Variants in PPP6R3 observed in about 807,000 individuals in gnomAD.
The protein encoded by PPP6R3 is protein phosphatase 6 regulatory subunit 3, also known as serine/threonine-protein phosphatase 6 regulatory subunit 3.
Under a neutral mutation model 110.7 loss-of-function variants are expected in PPP6R3, and 38 were observed. The ratio of observed to expected loss-of-function variants is 0.34; its 90% CI spans 0.26 to 0.45. The LOEUF (loss-of-function observed/expected upper bound fraction) is 0.45, where lower values mean the gene tolerates loss of function less well. PPP6R3 is among the 20% of genes least tolerant of loss of function. The probability of loss-of-function intolerance (pLI) is 1.00; values close to 1 mark genes in which losing one functional copy is unlikely to be tolerated. For synonymous variants in PPP6R3, 369 were observed against 373.5 expected, an observed-to-expected ratio of 0.99 and a Z score of 0.14; for missense variants, 870 against 1,062.4, an observed-to-expected ratio of 0.82 and a Z score of 2.52.
intron 9 of PPP6R3, among the ~76,000 whole-genome samples, chr11:68,566,257 C>CTGCTGCTGCTGCTGT (rs1250878019): frequency 2.6e-5 from 4 of 151,818 alleles, no homozygotes; most frequent in Admixed American, 6.6e-5. Context: ...GCTGCTGCTG[C>CTGCTGCTGCTGCTGT]TGCTGTTGCT....
intron 15 of PPP6R3, among the ~76,000 whole-genome samples, chr11:68,585,910 G>A (rs562117912): frequency 1.5e-4 from 23 of 152,102 alleles, no homozygotes; most frequent in Admixed American, 1.3e-3. Flanking sequence ...ACAACATTTT[G>A]GGGAATATTT....
chr11:68,482,222 C>CAAAAAAAAA (rs35130397), intron 1 of PPP6R3, among the ~76,000 whole-genome samples: 1 of 87,042 alleles, frequency 1.1e-5, no homozygotes, highest in Non-Finnish European at 2.4e-5. Flanking sequence ...CCCATCTCTC[C>CAAAAAAAAA]AAAAAAAAAA....
chr11:68,489,918 C>T (rs7126451), intron 1 of PPP6R3, among the ~76,000 whole-genome samples: 56,973 of 151,906 alleles, frequency 0.38, 11,743 homozygotes, highest in African/African-American at 0.54. Flanking sequence ...CTCATTGTTG[C>T]CATTCATTTT....
chr11:68,485,234 A>T (rs1270119778), intron 1 of PPP6R3, among the ~76,000 whole-genome samples: 2 of 145,986 alleles, frequency 1.4e-5, no homozygotes, highest in Non-Finnish European at 3.0e-5. Flanking sequence ...TTAACCTTGT[A>T]GCCTGTAACC....
rs769296530 is a variant in PPP6R3 at position 68,478,647 on chromosome 11, GTTT to G, written c.-158+17843_-158+17845del. On this transcript the variant is annotated intron_variant, in intron 1 of 23. Coordinates refer to ENST00000393800, the MANE Select transcript of PPP6R3 (RefSeq NM_001164161.2). ...ACTGATGAGTTAGTGCACTTGGTAAGTTTTTTTTTTTTTTTTTTTTTTTTTGAG... is the reference window on the plus strand; with the variant it reads ...ACTGATGAGTTAGTGCACTTGGTAAGTTTTTTTTTTTTTTTTTTTTTTGAG... Among the ~76,000 whole-genome samples, 113 of 50,502 alleles carry G rather than the reference GTTT, an allele frequency of 2.2e-3. 4 individuals are homozygous for G. The East Asian group carries it at 0.029, about 13-fold the overall frequency. The allele number at this position is 50,502 out of a possible 152,430, so 33.1% of individuals were successfully genotyped here.
intron 19 of PPP6R3, among the ~76,000 whole-genome samples, chr11:68,600,070 G>C (rs549637393): frequency 8.5e-5 from 13 of 152,066 alleles, no homozygotes; most frequent in Admixed American, 5.2e-4. Context: ...TGCAGTGAGC[G>C]GAGATCGTGC....
At chr11:68,471,813 TG>T (rs899961243) in intron 1 of PPP6R3, among the ~76,000 whole-genome samples, 1 of 151,926 alleles carries the variant, frequency 6.6e-6, no homozygotes, top group Non-Finnish European at 1.5e-5. Flanking sequence ...AGGAAGTGGG[TG>T]GGTGCCCATG....
At chr11:68,504,676 A>G (rs538327214) in intron 1 of PPP6R3, among the ~76,000 whole-genome samples, 18 of 152,298 alleles carry the variant, frequency 1.2e-4, no homozygotes, top group South Asian at 6.2e-4. Flanking sequence ...GAAAGCAGCA[A>G]TGGGGATTCT....
chr11:68,567,212 T>G, intron 10 of PPP6R3, 46 bp downstream of exon 10: 1 of 1,487,170 alleles, frequency 6.7e-7, no homozygotes, highest in Non-Finnish European at 9.0e-7. Flanking sequence ...CCATTGATAT[T>G]TCATGGATAT....
chr11:68,594,285 A>AGAGAG (rs1555194740), intron 18 of PPP6R3, among the ~76,000 whole-genome samples: 6 of 146,498 alleles, frequency 4.1e-5, no homozygotes, highest in African/African-American at 1.0e-4. Flanking sequence ...AGAGAGAGAG[A>AGAGAG]GAGAGAGGAG....
chr11:68,491,754 C>G (rs2098985758), intron 1 of PPP6R3, among the ~76,000 whole-genome samples: 1 of 152,130 alleles, frequency 6.6e-6, no homozygotes, highest in Non-Finnish European at 1.5e-5. Context: ...TTCATCTTCC[C>G]ATACTGAAAC....
At chr11:68,505,375 C>A (rs2099070361) in intron 1 of PPP6R3, 1 of 152,288 alleles carries the variant, frequency 6.6e-6, no homozygotes, top group African/African-American at 2.4e-5. Context: ...TGAACTCTTA[C>A]ATTTTTTGGT....
rs780662632 is a variant in PPP6R3, at chr11:68,574,202, A to C, written c.1437A>C (p.Ala479=). 1 of 1,613,570 alleles carries C rather than the reference A, an allele frequency of 6.2e-7. No homozygotes were observed. The highest frequency in any genetic ancestry group is 1.3e-5 in the African/African-American group (1 of 74,924). Residue 479 remains alanine (A), a synonymous_variant, in exon 13 of 24, where the codon GCA becomes GCC. Coordinates refer to ENST00000393800, the MANE Select transcript of PPP6R3 (RefSeq NM_001164161.2). ...VHSTDKGPNS[A]LVQQLIKDLP... is the part of the protein sequence containing the mutation. ...GCACTGACAAGGGCCCCAACAGTGC[A>C]TTAGTGCAGCAGCTTATCAAAGGTA...
intron 9 of PPP6R3, among the ~76,000 whole-genome samples, chr11:68,566,301 CTTCCTCCTCCTCCTTCCTCCTTCTCT>C (rs1375884257): frequency 2.0e-5 from 3 of 151,856 alleles, no homozygotes; most frequent in African/African-American, 4.8e-5. Context: ...TTTATTCTTC[CTTCCTCCTCCTCCTTCCTCCTTCTCT>C]TTCCTCCTCC....
At chr11:68,528,670 A>G (rs569663744) in intron 2 of PPP6R3, among the ~76,000 whole-genome samples, 7 of 152,280 alleles carry the variant, frequency 4.6e-5, no homozygotes, top group African/African-American at 1.7e-4. Flanking sequence ...TTACAACACT[A>G]AGAGATAACT....
chr11:68,563,920 G>A (rs2099442135), intron 8 of PPP6R3, among the ~76,000 whole-genome samples: 1 of 152,182 alleles, frequency 6.6e-6, no homozygotes, highest in South Asian at 2.1e-4. Context: ...GTATAGGCCT[G>A]TTCATTAATA....
At chr11:68,579,434 T>C (rs2099544567) in intron 14 of PPP6R3, among the ~76,000 whole-genome samples, 1 of 152,198 alleles carries the variant, frequency 6.6e-6, no homozygotes, top group African/African-American at 2.4e-5. Flanking sequence ...ACAACAAGAG[T>C]GCACTTTACT....
rs892982099 is a variant in PPP6R3, at chr11:68,548,626, G to A, written c.552+422G>A. On this transcript the variant is annotated intron_variant, in intron 5 of 23. Coordinates refer to ENST00000393800, the MANE Select transcript of PPP6R3 (RefSeq NM_001164161.2). ...CACCTCTGAAGGTCAAAACGGAGAG[G>A]TGTTGATGTATCCAGGGATTCAGGC... 6.6e-5 allele frequency among the ~76,000 whole-genome samples: 10 copies of A among 152,280 alleles called. No individual in the cohort carries two copies. The South Asian group carries it at 2.1e-3, about 32-fold the overall frequency.
chr11:68,573,824 G>T (rs2099519828), intron 12 of PPP6R3, among the ~76,000 whole-genome samples: 1 of 152,120 alleles, frequency 6.6e-6, no homozygotes, highest in Non-Finnish European at 1.5e-5. Context: ...AAAATAATGT[G>T]TTATTGACAG....
Sources: allele counts gnomAD v4.1 joint callset (sites outside exome capture counted in the v4.1 genomes callset), GRCh38; gene constraint gnomAD v4.1.1; transcripts MANE v1.5; gene names NCBI Gene and HGNC (gene_info 2026-07-23, HGNC 2026-07-21).